The following TASOR variants were observed in gnomAD, a reference collection of about 807,000 sequenced individuals.
The protein encoded by TASOR is protein TASOR.
TASOR carries 53 observed loss-of-function variants against 178.6 expected under a neutral mutation model. The observed-to-expected ratio is 0.30, with a 90% CI of 0.24 to 0.37. TASOR has a LOEUF of 0.37. Ranked by LOEUF, TASOR falls within the 10% of genes least tolerant of loss-of-function variation. The pLI is 1.00. For missense variants in TASOR, 1,815 were observed against 1,971.4 expected, an observed-to-expected ratio of 0.92 and a Z score of 1.50; for synonymous variants, 713 against 696.2, an observed-to-expected ratio of 1.02 and a Z score of -0.38.
intron 9 of TASOR, among the ~76,000 whole-genome samples, chr3:56,661,631 G>C (rs950916073): frequency 2.6e-5 from 4 of 152,134 alleles, no homozygotes; most frequent in Non-Finnish European, 5.9e-5. Context: ...AATGATGGAA[G>C]CAAGAGATTT....
intron 15 of TASOR, among the ~76,000 whole-genome samples, chr3:56,640,998 GC>G (rs2077111059): frequency 6.6e-6 from 1 of 152,156 alleles, no homozygotes; most frequent in Admixed American, 6.6e-5. Flanking sequence ...CTCTGTTACT[GC>G]CGACAGAAAG....
At chr3:56,680,766 C>T (rs188257470) in intron 1 of TASOR, among the ~76,000 whole-genome samples, 1 of 152,068 alleles carries the variant, frequency 6.6e-6, no homozygotes, top group Non-Finnish European at 1.5e-5. Context: ...TTAAAAATTG[C>T]TCATTTTCAC....
intron 19 of TASOR, 83 bp from the exon 20 acceptor site, chr3:56,627,824 C>T: frequency 1.6e-6 from 2 of 1,246,118 alleles, no homozygotes; most frequent in Non-Finnish European, 2.3e-6. Context: ...TACAAGAAGT[C>T]TAACAGAATG....
At chr3:56,657,815 A>G (rs2077504983) in intron 11 of TASOR, among the ~76,000 whole-genome samples, 2 of 152,254 alleles carry the variant, frequency 1.3e-5, no homozygotes, top group African/African-American at 2.4e-5. Context: ...GTTAATATTC[A>G]TAACATTTCA....
chr3:56,668,626 T>C, intron 5 of TASOR, 68 bp from the exon 6 acceptor site: 1 of 1,108,960 alleles, frequency 9.0e-7, no homozygotes, highest in Non-Finnish European at 1.3e-6. Flanking sequence ...ATTAATATTA[T>C]GAAATACTTC....
rs1340826759 is a variant in TASOR, at chr3:56,682,657, G to C, written c.331+19C>G. 6.9e-7 allele frequency: 1 copy of C among 1,448,410 alleles called. No homozygotes were observed. 89.7% of individuals were successfully genotyped at this position (1,448,410 alleles called of 1,614,324 possible). A position where few individuals can be genotyped will look rare whatever the true frequency, so the allele number is the denominator to read the frequency against. On this transcript the variant is annotated intron_variant, in intron 1 of 23. Coordinates refer to ENST00000683822, the MANE Select transcript of TASOR (RefSeq NM_001365635.2). ...GGAGGGGAGAGAGAGAGGGGGTTGA[G>C]AAGAAGGGGAGGCACCACCTTTCTT...
Position 56,641,489 on chromosome 3 carries a change from G to GCTCA in TASOR, c.2475_2478dup (p.Gln827Ter). ...TTTTCAACTTTTGCACAAGTAGGCT[G>GCTCA]CTCATAGTCTTTCTTATCTGGGGTA... On this transcript the variant is annotated stop_gained and frameshift_variant, in exon 15 of 24. Transcript: ENST00000683822. LOFTEE classifies it high-confidence loss of function. 1 of 1,613,910 alleles carries GCTCA rather than the reference G, an allele frequency of 6.2e-7. No homozygotes were observed. Among genetic ancestry groups the GCTCA allele is most frequent in the Non-Finnish European group, 8.5e-7 (1 of 1,179,798 alleles).
At chr3:56,649,871 T>C (rs1400040303) in intron 11 of TASOR, among the ~76,000 whole-genome samples, 1 of 152,174 alleles carries the variant, frequency 6.6e-6, no homozygotes, top group Non-Finnish European at 1.5e-5. Flanking sequence ...AACATCACAA[T>C]ATTTATCACT....
At position 56,671,555 on chromosome 3, in the gene TASOR, A is replaced by G. The variant is rs894767766; in HGVS notation, c.570+45T>C. 9 of 1,375,296 alleles carry G rather than the reference A, an allele frequency of 6.5e-6. No homozygotes were observed. The Admixed American group carries it at 6.6e-5, about 10-fold the overall frequency. The allele number at this position is 1,375,296 out of a possible 1,614,324, so 85.2% of individuals were successfully genotyped here. A position where few individuals can be genotyped will look rare whatever the true frequency, so the allele number is the denominator to read the frequency against. On this transcript the variant is annotated intron_variant, in intron 3 of 23. Transcript: ENST00000683822. ...ATAATCACAAAATTAGTAACTTACA[A>G]TGGAAACATCCCCAAATTGTTTTTT...
At chr3:56,682,636 G>A (rs766280680) in intron 1 of TASOR, 40 bp downstream of exon 1, 2 of 1,412,680 alleles carry the variant, frequency 1.4e-6, no homozygotes, top group East Asian at 2.6e-5. Context: ...AAAGATGGAG[G>A]GGAGAGAGAG....
intron 18 of TASOR, among the ~76,000 whole-genome samples, chr3:56,630,453 T>C (rs2076885034): frequency 6.6e-6 from 1 of 152,234 alleles, no homozygotes; most frequent in Non-Finnish European, 1.5e-5. Context: ...AAACAAAGAA[T>C]GCTCTTTTAT....
Position 56,633,166 on chromosome 3 carries a change from T to C in TASOR, c.3625A>G (p.Ile1209Val). 1.2e-6 allele frequency: 2 copies of C among 1,614,222 alleles called. No homozygotes were observed. The highest frequency in any genetic ancestry group is 1.7e-6 in the Non-Finnish European group (2 of 1,180,038). The change falls in exon 18 of 24, where the codon ATA becomes GTA. Residue 1209 changes from isoleucine (I) to valine (V), a missense_variant. Physicochemically the swap from Ile to Val is conservative, Grantham distance 29 (BLOSUM62 3). Transcript: ENST00000683822. ...AATACTTCAGGTTCTAACTGGCTTA[T>C]AAAATTTGAAAGAGCTGGTTGAGCA... Reference protein sequence around the residue: ...ISAQPALSNFISQLEPEVFNS... With the variant: ...ISAQPALSNFVSQLEPEVFNS...
intron 14 of TASOR, 53 bp downstream of exon 14, chr3:56,646,469 A>G: frequency 7.0e-7 from 1 of 1,434,698 alleles, no homozygotes; most frequent in Non-Finnish European, 9.4e-7. Context: ...TGCTACAAGA[A>G]AGAACAGAAC....
At chr3:56,675,963 CACT>C (rs2031258593) in intron 1 of TASOR, among the ~76,000 whole-genome samples, 1 of 152,120 alleles carries the variant, frequency 6.6e-6, no homozygotes, top group Admixed American at 6.5e-5. Flanking sequence ...AAATGGTTAC[CACT>C]ATTTTCGAAC....
chr3:56,624,441 G>A (rs780315978), intron 23 of TASOR, 38 bp downstream of exon 23: 48 of 1,593,310 alleles, frequency 3.0e-5, no homozygotes, highest in Non-Finnish European at 3.3e-5. Flanking sequence ...CTCTTTTTCT[G>A]TCTGCGTTAA....
At chr3:56,664,290 A>G (rs920392061) in intron 7 of TASOR, 1 of 152,220 alleles carries the variant, frequency 6.6e-6, no homozygotes, top group African/African-American at 2.4e-5. Flanking sequence ...ATAGAGGTCA[A>G]GAGATGGAAT....
intron 3 of TASOR, among the ~76,000 whole-genome samples, chr3:56,670,585 T>C (rs2030577769): frequency 6.6e-6 from 1 of 152,140 alleles, no homozygotes; most frequent in Admixed American, 6.6e-5. Flanking sequence ...ACCAATTCTT[T>C]TCAAAGAGAA....
rs1249226203 is a variant in TASOR, at chr3:56,635,756, C to A, written c.2825-1790G>T. On this transcript the variant is annotated intron_variant, in intron 17 of 23. Coordinates refer to ENST00000683822, the MANE Select transcript of TASOR (RefSeq NM_001365635.2). ...TTCCAAGTAGATGGGATTACAGGTACATACCACCACACCCAGCTATTTATT... is the reference window on the plus strand; with the variant it reads ...TTCCAAGTAGATGGGATTACAGGTAAATACCACCACACCCAGCTATTTATT... Among the ~76,000 whole-genome samples the A allele has an allele frequency of 3.3e-5, 5 of 152,232 alleles. 1 individual carries two copies. The Middle Eastern group carries it at 0.01, about 311-fold the overall frequency.
At chr3:56,673,543 G>C in intron 2 of TASOR, 37 bp downstream of exon 2, 1 of 1,423,296 alleles carries the variant, frequency 7.0e-7, no homozygotes, top group Non-Finnish European at 9.2e-7. Context: ...AACTGGTTCT[G>C]AAAACAATCT....
Sources: allele counts gnomAD v4.1 joint callset (sites outside exome capture counted in the v4.1 genomes callset), GRCh38; gene constraint gnomAD v4.1.1; transcripts MANE v1.5; gene names NCBI Gene and HGNC (gene_info 2026-07-23, HGNC 2026-07-21).